TLR5: variants seen among roughly 807,000 people sequenced by gnomAD.
TLR5 encodes the protein toll like receptor 5, also known as toll-like receptor 5.
For synonymous variants in TLR5, 373 were observed against 384.4 expected (o/e 0.97, Z 0.35); for missense variants, 944 against 999.8 (o/e 0.94, Z 0.75).
intron 4 of TLR5, among the ~76,000 whole-genome samples, 151 bp from the exon 5 acceptor site, chr1:223,132,790 C>A (rs1441540765): frequency 6.6e-6 from 1 of 152,194 alleles, no homozygotes; most frequent in Non-Finnish European, 1.5e-5. Flanking sequence ...AAGATCAAGA[C>A]CATTTTGTAA....
chr1:223,118,460 T>C (rs1396440426), intron 5 of TLR5, among the ~76,000 whole-genome samples: 2 of 151,798 alleles, frequency 1.3e-5, no homozygotes, highest in African/African-American at 4.8e-5. Context: ...GGAAGGAGAA[T>C]TGCTTGAACC....
chr1:223,112,863 A>AGTT lies in TLR5; in HGVS notation c.166_168dup (p.Asn56dup). ...GATGAAGCAGTGACTGTCCTGATAT[A>AGTT]GTTGAAGCTCAGCAGGAGCCTCTCA... is the stretch of plus-strand genomic sequence containing the variant. On this transcript the variant is annotated inframe_insertion, in exon 6 of 6. Transcript: ENST00000642603. The AGTT allele has an allele frequency of 6.2e-7, 1 of 1,614,024 alleles. No individual in the cohort carries two copies. Among genetic ancestry groups the AGTT allele is most frequent in the Non-Finnish European group, 8.5e-7 (1 of 1,179,980 alleles).
At chr1:223,124,164 C>T (rs1341463581) in intron 5 of TLR5, among the ~76,000 whole-genome samples, 1 of 152,172 alleles carries the variant, frequency 6.6e-6, no homozygotes, top group Non-Finnish European at 1.5e-5. Context: ...AAGGATTGGG[C>T]CAGGCGCTGT....
rs143463633 is a variant in TLR5 at position 223,113,007 on chromosome 1, G to A, written c.25C>T (p.Leu9=). MGDHLDLL[L]GVVLMAGPVF... is the part of the protein sequence containing the mutation. ...GGACCGGCCATGAGCACCACTCCTAGGAGAAGGTCCAGGTGGTCTCCCATG... is the reference window on the plus strand; with the variant it reads ...GGACCGGCCATGAGCACCACTCCTAAGAGAAGGTCCAGGTGGTCTCCCATG... Residue 9 remains leucine (L), a synonymous_variant, in exon 6 of 6, where the codon CTA becomes TTA. Coordinates refer to ENST00000642603, the MANE Select transcript of TLR5 (RefSeq NM_003268.6). The A allele has an allele frequency of 6.2e-7, 1 of 1,613,626 alleles. No individual in the cohort carries two copies. Among genetic ancestry groups the A allele is most frequent in the Non-Finnish European group, 8.5e-7 (1 of 1,179,982 alleles).
chr1:223,110,886 C>T lies in TLR5; in HGVS notation c.2146G>A (p.Asp716Asn), dbSNP rs562507188. ...CTGTTTTGGTCACTGTATTGAGTGT[C>T]CAGGTGTTTGAGCAAAGCATTCTGC... ...WVQNALLKHL[D>N]TQYSDQNRFN... Residue 716 changes from aspartate (D) to asparagine (N), a missense_variant, in exon 6 of 6, where the codon GAC becomes AAC. By Grantham distance (23) the Asp-to-Asn change is conservative (BLOSUM62 1). Transcript: ENST00000642603. The T allele has an allele frequency of 3.1e-6, 5 of 1,614,224 alleles. No individual in the cohort carries two copies. The African/African-American group carries it at 6.7e-5, about 22-fold the overall frequency.
rs1276024185 is a variant in TLR5 at position 223,111,058 on chromosome 1, G to C, written c.1974C>G (p.Leu658=). ...AGAAGCCCCGGAACTTTGTGACTGT[G>C]AGGATGGTCATGAGGAACAGAGTCA... ...VTLTLFLMTI[L]TVTKFRGFCF... The change falls in exon 6 of 6, where the codon CTC becomes CTG. Residue 658 remains leucine (L), a synonymous_variant. Coordinates refer to ENST00000642603, the MANE Select transcript of TLR5 (RefSeq NM_003268.6). The C allele has an allele frequency of 7.4e-6, 12 of 1,614,084 alleles. No homozygotes were observed. The highest frequency in any genetic ancestry group is 1.3e-5 in the African/African-American group (1 of 74,936).
chr1:223,110,813 C>A lies in TLR5; in HGVS notation c.2219G>T (p.Arg740Leu), dbSNP rs748948212. 2.5e-6 allele frequency: 4 copies of A among 1,614,094 alleles called. No homozygotes were observed. The highest frequency in any genetic ancestry group is 2.2e-5 in the East Asian group (1 of 44,900). The change falls in exon 6 of 6, where the codon CGC becomes CTC. Residue 740 changes from arginine to leucine, a missense_variant. Transcript: ENST00000642603. ...EERDFVPGEN[R>L]IANIQDAIWN... ...GATGGCATCCTGGATATTGGCAATG[C>A]GGTTTTCTCCTGGGACAAAGTCTCT...
At position 223,110,951 on chromosome 1, in the gene TLR5, T is replaced by C. The variant is rs5744176; in HGVS notation, c.2081A>G (p.Asp694Gly). ...TTTGCTGCTGAAGCACAAATAGGCATCATATTTGTACATATCAGGTTCTGT... is the reference window on the plus strand; with the variant it reads ...TTTGCTGCTGAAGCACAAATAGGCACCATATTTGTACATATCAGGTTCTGT... Reference protein sequence around the residue: ...QGTEPDMYKYDAYLCFSSKDF... With the variant: ...QGTEPDMYKYGAYLCFSSKDF... The change falls in exon 6 of 6, where the codon GAT becomes GGT. Residue 694 changes from aspartate (D) to glycine (G), a missense_variant. Physicochemically the swap from Asp to Gly is moderately conservative, Grantham distance 94. Transcript: ENST00000642603. 99 of 1,614,240 alleles carry C rather than the reference T, an allele frequency of 6.1e-5. No individual in the cohort carries two copies. The highest frequency in any genetic ancestry group is 8.1e-5 in the Non-Finnish European group (96 of 1,180,036).
intron 5 of TLR5, among the ~76,000 whole-genome samples, chr1:223,119,759 A>C (rs1656852460): frequency 6.6e-6 from 1 of 151,646 alleles, no homozygotes; most frequent in African/African-American, 2.4e-5. Context: ...CAGGAGTTCA[A>C]GACCAGGTTG....
intron 1 of TLR5, among the ~76,000 whole-genome samples, chr1:223,142,263 C>T (rs978438312): frequency 3.3e-5 from 5 of 152,186 alleles, no homozygotes; most frequent in Admixed American, 1.3e-4. Flanking sequence ...AAGAGGGCGG[C>T]ATTACAGATG....
chr1:223,111,535 C>T lies in TLR5; in HGVS notation c.1497G>A (p.Glu499=). The change falls in exon 6 of 6, where the codon GAG becomes GAA. Residue 499 remains glutamate (E), a synonymous_variant. Transcript: ENST00000642603. ...WETELCWDVF[E]GLSHLQVLYL... ...ACAGAACTTGAAGATGAGAAAGTCC[C>T]TCAAAAACATCCCAACAGAGCTCAG... The T allele has an allele frequency of 2.5e-6, 4 of 1,614,116 alleles. No individual in the cohort carries two copies. Among genetic ancestry groups the T allele is most frequent in the Non-Finnish European group, 2.5e-6 (3 of 1,180,042 alleles).
chr1:223,130,204 G>A (rs555955841), intron 5 of TLR5, among the ~76,000 whole-genome samples: 36 of 152,250 alleles, frequency 2.4e-4, no homozygotes, highest in African/African-American at 7.0e-4. Flanking sequence ...TCCCCGCACC[G>A]TTCCACAGAG....
At position 223,112,617 on chromosome 1, in the gene TLR5, C is replaced by T. The variant is rs774379780; in HGVS notation, c.415G>A (p.Gly139Ser). 8.1e-6 allele frequency: 13 copies of T among 1,614,012 alleles called. No homozygotes were observed. The highest frequency in any genetic ancestry group is 1.3e-5 in the African/African-American group (1 of 74,910). The change falls in exon 6 of 6, where the codon GGT (glycine) becomes AGT (serine). Residue 139 changes from glycine to serine, a missense_variant. Physicochemically the swap from Gly to Ser is moderately conservative, Grantham distance 56. Transcript: ENST00000642603. ...CGLSDAVLKD[G>S]YFRNLKALTR... ...AAAGCCTTTAAATTTCTGAAATAAC[C>T]ATCTTTCAATACAGCATCAGAGAGA...
In TLR5 at chr1:223,109,958, G is replaced by A. The variant is rs5744183; in HGVS notation, c.*497C>T. ...GGCCACCTCTTATCTATGAGACAAA[G>A]TGTGACTTGCACTCAACAGTGGCAT... On this transcript the variant is annotated 3_prime_UTR_variant, in exon 6 of 6. Coordinates refer to ENST00000642603, the MANE Select transcript of TLR5 (RefSeq NM_003268.6). 359 of 179,958 alleles carry A rather than the reference G, an allele frequency of 2.0e-3. 2 individuals are homozygous for A. The highest frequency in any genetic ancestry group is 7.8e-3 in the African/African-American group (325 of 41,754). The allele number at this position is 179,958 out of a possible 1,614,324, so 11.1% of individuals were successfully genotyped here.
At position 223,112,199 on chromosome 1, in the gene TLR5, T is replaced by A. The variant is rs778541929; in HGVS notation, c.833A>T (p.Asp278Val). ...GGCCAGGCCAGCAAATGTGTTCTGGTCAGGATCTTTGATGTTATGGAAGCC... is the reference window on the plus strand; with the variant it reads ...GGCCAGGCCAGCAAATGTGTTCTGGACAGGATCTTTGATGTTATGGAAGCC... ...GFGFHNIKDP[D>V]QNTFAGLARS... The change falls in exon 6 of 6, where the codon GAC becomes GTC. Residue 278 changes from aspartate (D) to valine (V), a missense_variant. Asp to Val is a radical substitution (Grantham distance 152, BLOSUM62 -3). Coordinates refer to ENST00000642603, the MANE Select transcript of TLR5 (RefSeq NM_003268.6). 1 of 1,614,216 alleles carries A rather than the reference T, an allele frequency of 6.2e-7. No individual in the cohort carries two copies. Among genetic ancestry groups the A allele is most frequent in the Admixed American group, 1.7e-5 (1 of 60,020 alleles).
chr1:223,116,944 G>C (rs1383943452), intron 5 of TLR5, among the ~76,000 whole-genome samples: 3 of 152,214 alleles, frequency 2.0e-5, no homozygotes, highest in Non-Finnish European at 2.9e-5. Flanking sequence ...CTGCCCGCCA[G>C]TCCCACCCCA....
intron 3 of TLR5, among the ~76,000 whole-genome samples, chr1:223,135,374 C>G (rs1468045626): frequency 6.6e-6 from 1 of 152,190 alleles, no homozygotes; most frequent in African/African-American, 2.4e-5. Flanking sequence ...CCTGGGCAGG[C>G]TGCCCAGGGT....
intron 5 of TLR5, among the ~76,000 whole-genome samples, chr1:223,114,022 G>A (rs1219784567): frequency 2.0e-5 from 3 of 152,166 alleles, no homozygotes; most frequent in Non-Finnish European, 4.4e-5. Context: ...ATCCCATCAT[G>A]CAGAAATTGG....
intron 1 of TLR5, 45 bp from the exon 2 acceptor site, chr1:223,141,808 TATATATATATATATAGAGAG>T (rs1432673203): frequency 4.7e-3 from 386 of 82,114 alleles, no homozygotes; most frequent in Middle Eastern, 0.014. Context: ...TATATATATA[TATATATATATATATAGAGAG>T]AGAGAGAGAG....
Sources: gnomAD v4.1 joint callset for allele counts (sites outside exome capture counted in the v4.1 genomes callset) on GRCh38, gnomAD v4.1.1 for gene constraint, MANE v1.5 for transcripts, NCBI Gene and HGNC (gene_info 2026-07-23, HGNC 2026-07-21) for gene names.